Variants in PATJ observed in about 807,000 individuals in gnomAD.
PATJ encodes PATJ crumbs cell polarity complex component, also known as inaD-like protein.
PATJ carries 190 observed loss-of-function variants against 224.9 expected under a neutral mutation model. The ratio of observed to expected loss-of-function variants is 0.84; its 90% CI spans 0.75 to 0.95. PATJ has a LOEUF of 0.95. Ranked by LOEUF, PATJ falls within the 40% of genes least tolerant of loss-of-function variation. The pLI, the probability that PATJ is intolerant of heterozygous loss-of-function variation, is 0.00. For missense variants in PATJ, 2,121 were observed against 2,270.3 expected (o/e 0.93, Z 1.34); for synonymous variants, 769 against 820.3 (o/e 0.94, Z 1.07).
intron 41 of PATJ, among the ~76,000 whole-genome samples, chr1:62,146,670 G>T (rs1390614640): frequency 1.3e-5 from 2 of 151,960 alleles, no homozygotes; most frequent in Non-Finnish European, 2.9e-5. Flanking sequence ...CCAGCTACTC[G>T]GGAGGCTGAG....
intron 20 of PATJ, among the ~76,000 whole-genome samples, chr1:61,865,816 G>A (rs1053959413): frequency 1.3e-5 from 2 of 152,148 alleles, no homozygotes; most frequent in African/African-American, 4.8e-5. Flanking sequence ...TTCCTGTTGT[G>A]ATGTGCAAAG....
At position 62,032,862 on chromosome 1, in the gene PATJ, C is replaced by T. The variant is rs1473602747; in HGVS notation, c.3960-5115C>T. On this transcript the variant is annotated intron_variant, in intron 29 of 43. Coordinates refer to ENST00000642238, the MANE Select transcript of PATJ (RefSeq NM_001350145.3). Reference sequence around the variant, plus strand: ...GGGGGCCTCAAGAAACTTATAATCACGGCGCAAGGGGAAGCAAAGCACCTT... The same window carrying T: ...GGGGGCCTCAAGAAACTTATAATCATGGCGCAAGGGGAAGCAAAGCACCTT... Among the ~76,000 whole-genome samples the T allele has an allele frequency of 7.9e-5, 12 of 152,180 alleles. No individual in the cohort carries two copies. In the East Asian group the frequency reaches 1.2e-3, roughly 15 times the overall value.
At chr1:62,159,340 C>T (rs570792890) in intron 43 of PATJ, among the ~76,000 whole-genome samples, 1 of 151,634 alleles carries the variant, frequency 6.6e-6, no homozygotes, top group Admixed American at 6.6e-5. Context: ...TACAGGCATG[C>T]GCCATCACAT....
intron 14 of PATJ, among the ~76,000 whole-genome samples, chr1:61,817,167 G>C (rs543178359): frequency 1.3e-5 from 2 of 152,130 alleles, no homozygotes; most frequent in African/African-American, 4.8e-5. Flanking sequence ...CATAGGTAGG[G>C]GGAGAAAGCC....
intron 43 of PATJ, among the ~76,000 whole-genome samples, chr1:62,160,082 T>A (rs1459083018): frequency 1.3e-5 from 2 of 152,046 alleles, no homozygotes; most frequent in Non-Finnish European, 2.9e-5. Context: ...GGCACTGACT[T>A]TTCAAGGGAC....
Position 62,163,664 on chromosome 1 carries a change from G to A in PATJ, c.*2610G>A, listed in dbSNP as rs1473978469. On this transcript the variant is annotated 3_prime_UTR_variant, in exon 44 of 44. Coordinates refer to ENST00000642238, the MANE Select transcript of PATJ (RefSeq NM_001350145.3). ...CTGTCTCCGCTCACATGACTAATACGTAATTGCCTTTCCAAAAAGATATTT... is the reference window on the plus strand; with the variant it reads ...CTGTCTCCGCTCACATGACTAATACATAATTGCCTTTCCAAAAAGATATTT... 3 of 152,468 alleles carry A rather than the reference G, an allele frequency of 2.0e-5. No individual in the cohort carries two copies. The highest frequency in any genetic ancestry group is 2.9e-5 in the Non-Finnish European group (2 of 68,026). 9.4% of individuals were successfully genotyped at this position (152,468 alleles called of 1,614,324 possible).
intron 31 of PATJ, among the ~76,000 whole-genome samples, chr1:62,071,050 G>A (rs1447032064): frequency 6.6e-6 from 1 of 152,118 alleles, no homozygotes; most frequent in East Asian, 1.9e-4. Context: ...CCGAGGCAGG[G>A]GATGTCAGAT....
intron 28 of PATJ, among the ~76,000 whole-genome samples, chr1:62,005,267 C>A (rs571728355): frequency 4.8e-4 from 73 of 152,048 alleles, no homozygotes; most frequent in African/African-American, 1.7e-3. Flanking sequence ...TCCTGAGTGG[C>A]CAGGCTGGTC....
intron 27 of PATJ, among the ~76,000 whole-genome samples, chr1:61,971,596 GAGTGAGATCCTGTCTCAAA>G (rs1162434658): frequency 1.3e-5 from 2 of 152,136 alleles, no homozygotes; most frequent in African/African-American, 4.8e-5. Context: ...CTGAGTGACA[GAGTGAGATCCTGTCTCAAA>G]AAATAAAAGA....
At chr1:62,122,668 T>C (rs893354189) in intron 38 of PATJ, among the ~76,000 whole-genome samples, 6 of 151,882 alleles carry the variant, frequency 4.0e-5, no homozygotes, top group African/African-American at 1.5e-4. Context: ...CTACTAAAAA[T>C]ACAAAAATTA....
At chr1:62,107,834 C>T (rs1269306901) in intron 33 of PATJ, among the ~76,000 whole-genome samples, 1 of 152,134 alleles carries the variant, frequency 6.6e-6, no homozygotes, top group African/African-American at 2.4e-5. Context: ...ATATTGTTGT[C>T]CTAATTTTAT....
intron 41 of PATJ, among the ~76,000 whole-genome samples, chr1:62,136,648 C>CGT (rs1297199171): frequency 0.016 from 1,137 of 71,286 alleles, 30 homozygotes; most frequent in African/African-American, 0.06. Flanking sequence ...TTATGTTTTG[C>CGT]GTGTGTGTGT....
At chr1:61,873,199 G>T (rs1383743211) in intron 20 of PATJ, among the ~76,000 whole-genome samples, 1 of 151,924 alleles carries the variant, frequency 6.6e-6, no homozygotes, top group Non-Finnish European at 1.5e-5. Flanking sequence ...TAAAGACAGG[G>T]TCTCACTCTT....
intron 25 of PATJ, among the ~76,000 whole-genome samples, chr1:61,910,757 A>G (rs531194920): frequency 6.6e-6 from 1 of 151,416 alleles, no homozygotes; most frequent in Admixed American, 6.6e-5. Context: ...CTTATTCCTC[A>G]GGCAAGTCTT....
At chr1:61,911,036 C>A (rs1672559447) in intron 25 of PATJ, among the ~76,000 whole-genome samples, 1 of 152,048 alleles carries the variant, frequency 6.6e-6, no homozygotes, top group South Asian at 2.1e-4. Context: ...CTTAAAACCC[C>A]CAAAATAAGT....
Position 61,797,289 on chromosome 1 carries a change from C to G in PATJ, c.1263C>G (p.Val421=). The G allele has an allele frequency of 6.2e-7, 1 of 1,610,816 alleles. No homozygotes were observed. Among genetic ancestry groups the G allele is most frequent in the Non-Finnish European group, 8.5e-7 (1 of 1,177,326 alleles). ...TAATGTTTCTCTTGATGTTTTAGGT[C>G]GATGGCGTGAACATTCAGGGTTTTG... ...HIQVNDKIVA[V]DGVNIQGFAN... The change falls in exon 11 of 44, where the codon GTC becomes GTG. Residue 421 remains valine (V), a splice_region_variant and synonymous_variant. Transcript: ENST00000642238.
At chr1:61,833,895 C>T (rs1375178947) in intron 17 of PATJ, 110 bp downstream of exon 17, 12 of 888,896 alleles carry the variant, frequency 1.3e-5, no homozygotes, top group Non-Finnish European at 1.9e-5. Flanking sequence ...AACTGAATCC[C>T]AAAGATGGGA....
At position 61,823,087 on chromosome 1, in the gene PATJ, T is replaced by A; in HGVS notation, c.1818+8T>A. 1 of 1,613,638 alleles carries A rather than the reference T, an allele frequency of 6.2e-7. No homozygotes were observed. Among genetic ancestry groups the A allele is most frequent in the Non-Finnish European group, 8.5e-7 (1 of 1,179,834 alleles). On this transcript the variant is annotated splice_region_variant and intron_variant, in intron 15 of 43. Coordinates refer to ENST00000642238, the MANE Select transcript of PATJ (RefSeq NM_001350145.3). ...GAAGATGAGCTGCTTGAGGTAAAAT[T>A]TATGGGGAAAGAAAGACACAGGCAA...
At chr1:61,844,043 A>G (rs758184123) in intron 17 of PATJ, among the ~76,000 whole-genome samples, 6 of 152,208 alleles carry the variant, frequency 3.9e-5, no homozygotes, top group African/African-American at 7.2e-5. Flanking sequence ...TTTAAATTCA[A>G]TTTGGAGTAG....
Sources: allele counts gnomAD v4.1 joint callset (sites outside exome capture counted in the v4.1 genomes callset), GRCh38; gene constraint gnomAD v4.1.1; transcripts MANE v1.5; gene names NCBI Gene and HGNC (gene_info 2026-07-23, HGNC 2026-07-21).